The following ADGRV1 variants were observed in gnomAD, a reference collection of about 807,000 sequenced individuals.
ADGRV1 encodes the protein adhesion G protein-coupled receptor V1.
Under a neutral mutation model 596.2 loss-of-function variants are expected in ADGRV1, and 359 were observed. That is an observed-to-expected ratio of 0.60 (90% CI 0.55 to 0.66). The LOEUF (loss-of-function observed/expected upper bound fraction) is 0.66. ADGRV1 is among the 30% of genes least tolerant of loss of function. The pLI, the probability that ADGRV1 is intolerant of heterozygous loss-of-function variation, is 0.00. For missense variants in ADGRV1, 7,274 were observed against 7,575.6 expected, an observed-to-expected ratio of 0.96 and a Z score of 1.48; for synonymous variants, 2,681 against 2,679.2, an observed-to-expected ratio of 1.00 and a Z score of -0.02.
chr5:90,755,293 T>C (rs939610211), intron 55 of ADGRV1, 108 bp downstream of exon 55: 10 of 701,042 alleles, frequency 1.4e-5, no homozygotes, highest in Non-Finnish European at 2.1e-5. Context: ...AAGGATTCTT[T>C]TAAACATAAA....
chr5:90,778,578 A>G lies in ADGRV1; in HGVS notation c.12818A>G (p.His4273Arg), dbSNP rs201480340. ...CCCTATGGCCGATTTGCCTTTTCAC[A>G]TGAGCAACTTCGAGTGTCAGAAGCA... is the stretch of plus-strand genomic sequence containing the variant. ...DSPYGRFAFSHEQLRVSEAQR... is the reference protein window; with the variant it reads ...DSPYGRFAFSREQLRVSEAQR... Residue 4273 changes from histidine to arginine, a missense_variant, in exon 63 of 90, where the codon CAT becomes CGT. Physicochemically the swap from His to Arg is conservative, Grantham distance 29 (BLOSUM62 0). Around this residue, in one of 5 missense-constraint regions of ADGRV1, gnomAD observed 3,643 missense variants for 3,809.2 expected, o/e 0.96. Coordinates refer to ENST00000405460, the MANE Select transcript of ADGRV1 (RefSeq NM_032119.4). 1.7e-4 allele frequency: 276 copies of G among 1,605,302 alleles called. 1 individual carries two copies. Among genetic ancestry groups the G allele is most frequent in the Non-Finnish European group, 1.7e-4 (196 of 1,174,816 alleles).
Position 90,694,121 on chromosome 5 carries a change from C to G in ADGRV1, c.7365C>G (p.Phe2455Leu). The G allele has an allele frequency of 6.2e-7, 1 of 1,613,788 alleles. No individual in the cohort carries two copies. Among genetic ancestry groups the G allele is most frequent in the Admixed American group, 1.7e-5 (1 of 59,938 alleles). ...KEQACSAFSF[F>L]SASEGPQCFW... ...AAGCTTGCTCAGCGTTTTCATTTTTCAGTGCTTCTGAGGGTCCCCAGTGTT... is the reference window on the plus strand; with the variant it reads ...AAGCTTGCTCAGCGTTTTCATTTTTGAGTGCTTCTGAGGGTCCCCAGTGTT... The change falls in exon 33 of 90, where the codon TTC (phenylalanine) becomes TTG (leucine). Residue 2455 changes from phenylalanine to leucine, a missense_variant. Phe to Leu is a conservative substitution (Grantham distance 22). This residue lies in a region of ADGRV1 where 3,643 missense variants were observed against 3,809.2 expected (regional missense o/e 0.96). Transcript: ENST00000405460.
At chr5:90,641,466 T>A (rs1394785197) in intron 11 of ADGRV1, among the ~76,000 whole-genome samples, 4 of 152,208 alleles carry the variant, frequency 2.6e-5, no homozygotes, top group Non-Finnish European at 4.4e-5. Flanking sequence ...GTTTTTTCTT[T>A]CCTAGCTTAT....
At chr5:91,101,024 ATC>A (rs148426186) in intron 86 of ADGRV1, among the ~76,000 whole-genome samples, 18,675 of 152,138 alleles carry the variant, frequency 0.12, 1,292 homozygotes, top group African/African-American at 0.2. Flanking sequence ...GGATCTCTGG[ATC>A]TCTCTGCTAA....
In ADGRV1 at chr5:90,810,125, G is replaced by T. The variant is rs1288769409; in HGVS notation, c.14973-108G>T. 8 of 853,940 alleles carry T rather than the reference G, an allele frequency of 9.4e-6. No individual in the cohort carries two copies. In the South Asian group the frequency reaches 1.4e-4, roughly 15 times the overall value. The allele number at this position is 853,940 out of a possible 1,614,324, so 52.9% of individuals were successfully genotyped here. On this transcript the variant is annotated intron_variant, in intron 73 of 89. Coordinates refer to ENST00000405460, the MANE Select transcript of ADGRV1 (RefSeq NM_032119.4). Reference sequence around the variant, plus strand: ...ATTTGAAATGGCACGTCATTGTTAAGTTGCTGCCCTCATGAGCAGCATTTT... The same window carrying T: ...ATTTGAAATGGCACGTCATTGTTAATTTGCTGCCCTCATGAGCAGCATTTT...
At chr5:91,047,165 C>A (rs775517749) in intron 85 of ADGRV1, among the ~76,000 whole-genome samples, 2 of 152,116 alleles carry the variant, frequency 1.3e-5, no homozygotes, top group Non-Finnish European at 2.9e-5. Context: ...AATTTGCGCT[C>A]TAGTTGCCAC....
chr5:91,066,173 T>G (rs1408901011), intron 85 of ADGRV1, among the ~76,000 whole-genome samples: 1 of 152,252 alleles, frequency 6.6e-6, no homozygotes, highest in African/African-American at 2.4e-5. Flanking sequence ...GTTAATCAGC[T>G]ACTTCCACAG....
intron 83 of ADGRV1, among the ~76,000 whole-genome samples, chr5:90,878,308 T>G (rs745348266): frequency 2.0e-5 from 3 of 152,216 alleles, no homozygotes; most frequent in African/African-American, 2.4e-5. Flanking sequence ...AGTTTACAAG[T>G]GGCTGCCAAG....
At chr5:91,161,034 C>T (rs1484017147) in intron 89 of ADGRV1, among the ~76,000 whole-genome samples, 3 of 152,086 alleles carry the variant, frequency 2.0e-5, no homozygotes, top group African/African-American at 7.2e-5. Flanking sequence ...GATGATATTC[C>T]TAGTGGGATT....
chr5:90,837,877 C>A (rs1043799631), intron 77 of ADGRV1, among the ~76,000 whole-genome samples: 4 of 152,124 alleles, frequency 2.6e-5, no homozygotes, highest in African/African-American at 9.7e-5. Context: ...CTGATGCCAT[C>A]TTGCTTTTTC....
At chr5:90,949,747 A>G (rs1394570972) in intron 83 of ADGRV1, among the ~76,000 whole-genome samples, 1 of 152,192 alleles carries the variant, frequency 6.6e-6, no homozygotes, top group Non-Finnish European at 1.5e-5. Context: ...TTTGAATGAT[A>G]AGCCAGAAAG....
In ADGRV1 at chr5:90,635,384, T is replaced by G; in HGVS notation, c.2016+94T>G. 3 of 1,142,794 alleles carry G rather than the reference T, an allele frequency of 2.6e-6. No homozygotes were observed. In the Admixed American group the frequency reaches 7.3e-5, roughly 28 times the overall value. The allele number at this position is 1,142,794 out of a possible 1,614,324, so 70.8% of individuals were successfully genotyped here. A position where few individuals can be genotyped will look rare whatever the true frequency, so the allele number is the denominator to read the frequency against. On this transcript the variant is annotated intron_variant, in intron 10 of 89. Transcript: ENST00000405460. ...ATAAGATCAGCATATAGGGTTAACA[T>G]CTTAAAAAGCTTCAGCATGTACAAG...
intron 23 of ADGRV1, 58 bp downstream of exon 23, chr5:90,674,292 T>C: frequency 1.4e-6 from 2 of 1,381,422 alleles, no homozygotes; most frequent in Non-Finnish European, 1.9e-6. Flanking sequence ...TTAGTTTTGT[T>C]AAGAACTTCT....
intron 1 of ADGRV1, among the ~76,000 whole-genome samples, chr5:90,559,269 G>A (rs988211738): frequency 2.6e-5 from 4 of 152,142 alleles, no homozygotes; most frequent in Admixed American, 2.6e-4. Flanking sequence ...ACCCTACCTA[G>A]CTTTGATTTT....
intron 71 of ADGRV1, among the ~76,000 whole-genome samples, chr5:90,804,536 G>A (rs11959781): frequency 0.047 from 7,099 of 152,186 alleles, 583 homozygotes; most frequent in African/African-American, 0.16. Context: ...ATGTTTTTCT[G>A]TTATTCTTCA....
intron 77 of ADGRV1, among the ~76,000 whole-genome samples, chr5:90,836,383 A>C (rs1408617838): frequency 1.3e-5 from 2 of 152,056 alleles, no homozygotes; most frequent in Non-Finnish European, 2.9e-5. Context: ...TGTATGGAAC[A>C]CTCCTCACTA....
chr5:90,660,098 C>T (rs1770045494), intron 21 of ADGRV1, among the ~76,000 whole-genome samples: 1 of 152,028 alleles, frequency 6.6e-6, no homozygotes, highest in African/African-American at 2.4e-5. Context: ...GAGAATCCAG[C>T]TGTCTTCTAT....
At chr5:91,046,113 C>T (rs564405148) in intron 85 of ADGRV1, among the ~76,000 whole-genome samples, 90 of 152,058 alleles carry the variant, frequency 5.9e-4, no homozygotes, top group African/African-American at 2.1e-3. Context: ...TATAAATTCA[C>T]CACAATTCCC....
chr5:90,997,251 C>T (rs746540923), intron 85 of ADGRV1, among the ~76,000 whole-genome samples: 10 of 152,048 alleles, frequency 6.6e-5, no homozygotes, highest in East Asian at 1.9e-4. Flanking sequence ...TGGGGCCTAG[C>T]GGGAGGTGAT....
Sources: gnomAD v4.1 joint callset for allele counts (sites outside exome capture counted in the v4.1 genomes callset) on GRCh38, gnomAD v4.1.1 for gene constraint, gnomAD v4.1.1 regional missense constraint, MANE v1.5 for transcripts, NCBI Gene and HGNC (gene_info 2026-07-23, HGNC 2026-07-21) for gene names.